The following RPS6KC1 variants were observed in gnomAD, a reference collection of about 807,000 sequenced individuals.
The protein encoded by RPS6KC1 is ribosomal protein S6 kinase C1.
In RPS6KC1, 54 loss-of-function variants were observed where a neutral mutation model predicts 103.8. The observed-to-expected ratio is 0.52, with a 90% confidence interval of 0.42 to 0.65. The LOEUF (loss-of-function observed/expected upper bound fraction) is 0.65, where lower values mean the gene tolerates loss of function less well. Among genes scored for constraint, RPS6KC1 ranks in the 30% least tolerant of loss-of-function variants. The pLI is 0.00. For synonymous variants in RPS6KC1, 439 were observed against 438.7 expected (o/e 1.00, Z -0.01); for missense variants, 1,151 against 1,253.8 (o/e 0.92, Z 1.24).
the RPS6KC1 span, among the ~76,000 whole-genome samples, chr1:213,837,961 A>G: frequency 1.3e-5 from 2 of 152,122 alleles, no homozygotes; most frequent in Admixed American, 1.3e-4. Flanking sequence ...GGAAAACCCA[A>G]TGAATTGTCA....
At chr1:213,440,615 A>AAG in the RPS6KC1 span, among the ~76,000 whole-genome samples, 7 of 150,246 alleles carry the variant, frequency 4.7e-5, no homozygotes, top group Admixed American at 2.0e-4. Context: ...AAAAAAAAAA[A>AAG]GAACTCTATT....
chr1:213,062,733 T>C (rs1220998625), intron 1 of RPS6KC1, among the ~76,000 whole-genome samples: 1 of 152,042 alleles, frequency 6.6e-6, no homozygotes, highest in Non-Finnish European at 1.5e-5. Flanking sequence ...ATTTTTGTAT[T>C]TTTAGTAGAG....
chr1:213,185,528 A>G (rs2092482366), intron 8 of RPS6KC1, among the ~76,000 whole-genome samples: 1 of 152,086 alleles, frequency 6.6e-6, no homozygotes, highest in South Asian at 2.1e-4. Flanking sequence ...CATGCCTGTA[A>G]TCCCAGCTAC....
chr1:213,173,984 G>A (rs996387607), intron 7 of RPS6KC1, among the ~76,000 whole-genome samples: 4 of 152,230 alleles, frequency 2.6e-5, no homozygotes, highest in Non-Finnish European at 5.9e-5. Flanking sequence ...AGATAGGGAT[G>A]TTGGAGATAC....
At chr1:213,268,991 A>T (rs1173867769) in intron 14 of RPS6KC1, among the ~76,000 whole-genome samples, 2 of 152,178 alleles carry the variant, frequency 1.3e-5, no homozygotes, top group African/African-American at 4.8e-5. Flanking sequence ...AGCAAATATA[A>T]ACCCACCGTG....
At chr1:213,654,539 C>G in the RPS6KC1 span, among the ~76,000 whole-genome samples, 1 of 152,082 alleles carries the variant, frequency 6.6e-6, no homozygotes. Context: ...TCAAGTAATC[C>G]AAAAGCATAA....
the RPS6KC1 span, among the ~76,000 whole-genome samples, chr1:213,523,303 A>G: frequency 1.3e-5 from 2 of 152,226 alleles, no homozygotes; most frequent in African/African-American, 2.4e-5. Context: ...AAGATCACTG[A>G]CCACAGATCA....
At chr1:213,079,592 A>G (rs1444554891) in intron 3 of RPS6KC1, among the ~76,000 whole-genome samples, 1 of 151,358 alleles carries the variant, frequency 6.6e-6, no homozygotes, top group Non-Finnish European at 1.5e-5. Context: ...TAATTTTTCT[A>G]TTTTTTGTAG....
chr1:213,503,096 T>A, the RPS6KC1 span, among the ~76,000 whole-genome samples: 3 of 152,154 alleles, frequency 2.0e-5, no homozygotes, highest in Non-Finnish European at 2.9e-5. Context: ...GTGTGTCTTT[T>A]CTTACTTCAC....
chr1:213,846,853 A>G, the RPS6KC1 span, among the ~76,000 whole-genome samples: 1 of 152,064 alleles, frequency 6.6e-6, no homozygotes, highest in East Asian at 1.9e-4. Context: ...TCAGAAATTT[A>G]TCCAATTTAT....
chr1:213,857,417 G>A, the RPS6KC1 span, among the ~76,000 whole-genome samples: 1 of 152,172 alleles, frequency 6.6e-6, no homozygotes, highest in East Asian at 1.9e-4. Flanking sequence ...AGACTTTAAT[G>A]TGTTCACACC....
Position 213,109,389 on chromosome 1 carries a change from G to A in RPS6KC1, c.378+4820G>A, listed in dbSNP as rs187669468. On this transcript the variant is annotated intron_variant, in intron 4 of 14. Coordinates refer to ENST00000366960, the MANE Select transcript of RPS6KC1 (RefSeq NM_012424.6). Reference sequence around the variant, plus strand: ...CCTGACCTCATGATCCACCTGCCTCGGCCTCCCAAAGTGCTGGGATTACAG... The same window carrying A: ...CCTGACCTCATGATCCACCTGCCTCAGCCTCCCAAAGTGCTGGGATTACAG... Among the ~76,000 whole-genome samples the A allele has an allele frequency of 2.8e-3, 430 of 151,498 alleles. 1 individual carries two copies. The highest frequency in any genetic ancestry group is 9.0e-3 in the African/African-American group (371 of 41,342).
intron 4 of RPS6KC1, among the ~76,000 whole-genome samples, chr1:213,116,687 G>A (rs1454891687): frequency 6.6e-6 from 1 of 151,682 alleles, no homozygotes; most frequent in East Asian, 1.9e-4. Context: ...GCAGTGGCTG[G>A]TACCAGTTGT....
chr1:213,468,488 G>A, the RPS6KC1 span, among the ~76,000 whole-genome samples: 1 of 152,166 alleles, frequency 6.6e-6, no homozygotes, highest in Non-Finnish European at 1.5e-5. Context: ...TCTCTGTTCT[G>A]TGAAACCTGT....
the RPS6KC1 span, among the ~76,000 whole-genome samples, chr1:213,668,507 A>G: frequency 6.9e-4 from 103 of 148,464 alleles, 1 homozygote; most frequent in African/African-American, 2.0e-3. Flanking sequence ...TTGTTGTTCC[A>G]TTTTAGAGCA....
chr1:213,484,916 G>A, the RPS6KC1 span, among the ~76,000 whole-genome samples: 151 of 152,314 alleles, frequency 9.9e-4, no homozygotes, highest in African/African-American at 3.6e-3. Flanking sequence ...AGGCTGGAAT[G>A]CAGTGGCCCA....
chr1:213,474,267 T>G, the RPS6KC1 span, among the ~76,000 whole-genome samples: 5 of 152,056 alleles, frequency 3.3e-5, no homozygotes, highest in Admixed American at 1.3e-4. Flanking sequence ...GGATCCCAGT[T>G]CCCAAGCAGA....
chr1:213,333,745 G>A, the RPS6KC1 span, among the ~76,000 whole-genome samples: 1 of 152,130 alleles, frequency 6.6e-6, no homozygotes, highest in Non-Finnish European at 1.5e-5. Context: ...TGCAACCTCT[G>A]CCTCCCGGGT....
At chr1:213,178,078 G>T (rs1387372781) in intron 8 of RPS6KC1, among the ~76,000 whole-genome samples, 1 of 151,382 alleles carries the variant, frequency 6.6e-6, no homozygotes, top group Non-Finnish European at 1.5e-5. Flanking sequence ...CCAGCTGCTC[G>T]GGAGGCTGAG....
Sources: gnomAD v4.1 joint callset for allele counts (sites outside exome capture counted in the v4.1 genomes callset) on GRCh38, gnomAD v4.1.1 for gene constraint, MANE v1.5 for transcripts, NCBI Gene and HGNC (gene_info 2026-07-23, HGNC 2026-07-21) for gene names.